Variants in SHISA4 observed in about 807,000 individuals in gnomAD.
SHISA4 encodes protein shisa-4.
SHISA4 carries 16 observed loss-of-function variants against 24.2 expected under a neutral mutation model. That is an observed-to-expected ratio of 0.66 (90% confidence interval 0.45 to 1.00). The LOEUF (loss-of-function observed/expected upper bound fraction) is 1.00. SHISA4 is among the 50% of genes least tolerant of loss of function. The pLI, the probability that SHISA4 is intolerant of heterozygous loss-of-function variation, is 0.00. For missense variants in SHISA4, 238 were observed against 258.9 expected (o/e 0.92, Z 0.55); for synonymous variants, 106 against 105.4 (o/e 1.01, Z -0.04).
At chr1:201,889,359 T>A in intron 1 of SHISA4, 86 bp from the exon 2 acceptor site, 2 of 1,565,720 alleles carry the variant, frequency 1.3e-6, no homozygotes, top group Non-Finnish European at 1.7e-6. Flanking sequence ...GCCGTCAGGC[T>A]GGGGACCGCC....
Position 201,891,857 on chromosome 1 carries a change from A to G in SHISA4, c.*11A>G. 2 of 1,613,876 alleles carry G rather than the reference A, an allele frequency of 1.2e-6. No individual in the cohort carries two copies. The highest frequency in any genetic ancestry group is 1.7e-6 in the Non-Finnish European group (2 of 1,179,854). ...TACCCGGGAGCCTGAGGAACCAGCC[A>G]TGTCTCTGCTGCCCCTTCAGTGATG... On this transcript the variant is annotated 3_prime_UTR_variant, in exon 5 of 5. Transcript: ENST00000362011.
At chr1:201,889,148 G>T (rs1681043052) in intron 1 of SHISA4, 81 bp downstream of exon 1, 27 of 1,303,180 alleles carry the variant, frequency 2.1e-5, no homozygotes, top group Non-Finnish European at 2.8e-5. Context: ...GCTTGGGCTC[G>T]GGGCTTCTCC....
intron 3 of SHISA4, 82 bp from the exon 4 acceptor site, chr1:201,891,319 C>T (rs549087466): frequency 1.9e-6 from 3 of 1,554,184 alleles, no homozygotes; most frequent in Non-Finnish European, 1.8e-6. Flanking sequence ...CACCAGGGTG[C>T]TTACCTTGGT....
Position 201,891,813 on chromosome 1 carries a change from T to C in SHISA4, c.561T>C (p.Tyr187=), listed in dbSNP as rs1387193015. The change falls in exon 5 of 5, where the codon TAT becomes TAC. Residue 187 remains tyrosine, a synonymous_variant. Coordinates refer to ENST00000362011, the MANE Select transcript of SHISA4 (RefSeq NM_198149.3). The part of the protein sequence containing the change: ...PVYNPAAPPP[Y]MPPQPSYPGA ...TTTGGCTTTCAGCTCCTCCTCCCTA[T>C]ATGCCACCACAGCCCTCTTACCCGG... 6.2e-7 allele frequency: 1 copy of C among 1,614,000 alleles called. No individual in the cohort carries two copies. The highest frequency in any genetic ancestry group is 8.5e-7 in the Non-Finnish European group (1 of 1,179,958).
At chr1:201,891,352 T>C (rs1217762262) in intron 3 of SHISA4, 49 bp from the exon 4 acceptor site, 1 of 1,610,554 alleles carries the variant, frequency 6.2e-7, no homozygotes, top group Admixed American at 1.7e-5. Context: ...AGGAGGAGGC[T>C]TCCCATAGGA....
At chr1:201,890,386 G>A (rs1050713377) in intron 2 of SHISA4, 68 bp from the exon 3 acceptor site, 1 of 1,576,168 alleles carries the variant, frequency 6.3e-7, no homozygotes, top group Admixed American at 1.8e-5. Flanking sequence ...CCAGGAGTTG[G>A]AGCCAGCATA....
chr1:201,890,407 C>T (rs756799989), intron 2 of SHISA4, 47 bp from the exon 3 acceptor site: 108 of 1,602,300 alleles, frequency 6.7e-5, no homozygotes, highest in Middle Eastern at 3.3e-4. Context: ...ATGAGGACTC[C>T]GTCCTATGAG....
chr1:201,889,364 A>G, intron 1 of SHISA4, 81 bp from the exon 2 acceptor site: 1 of 1,570,340 alleles, frequency 6.4e-7, no homozygotes, highest in South Asian at 1.1e-5. Flanking sequence ...CAGGCTGGGG[A>G]CCGCCGGGGG....
chr1:201,891,503 C>CA lies in SHISA4; in HGVS notation c.483dup (p.Pro162ThrfsTer2), dbSNP rs759599798. On this transcript the variant is annotated frameshift_variant, in exon 4 of 5. Transcript: ENST00000362011. LOFTEE classifies it high-confidence loss of function. ...CCCCCACAGCCTGGCTTCATATACC[C>CA]ACCTAGTGGTCCTGCTCCCCAATAT... The CA allele has an allele frequency of 7.4e-6, 12 of 1,613,712 alleles. No individual in the cohort carries two copies. In the African/African-American group the frequency reaches 1.5e-4, roughly 20 times the overall value.
intron 4 of SHISA4, 86 bp from the exon 5 acceptor site, chr1:201,891,714 G>A: frequency 6.4e-7 from 1 of 1,564,504 alleles, no homozygotes; most frequent in Non-Finnish European, 8.8e-7. Context: ...TCTTCCCTAT[G>A]GGTCCTGTCT....
chr1:201,891,606 C>A (rs1400617511), intron 4 of SHISA4, 38 bp downstream of exon 4: 2 of 1,585,464 alleles, frequency 1.3e-6, no homozygotes, highest in South Asian at 2.3e-5. Context: ...TGCTGCCTTC[C>A]CCCACCCCTT....
chr1:201,891,634 G>A, intron 4 of SHISA4, 66 bp downstream of exon 4: 3 of 1,553,024 alleles, frequency 1.9e-6, no homozygotes, highest in East Asian at 4.5e-5. Flanking sequence ...GACCTCCCCT[G>A]TGCCTCTCTC....
At position 201,891,476 on chromosome 1, in the gene SHISA4, C is replaced by A. The variant is rs143779561; in HGVS notation, c.455C>A (p.Ala152Glu). 617 of 1,613,834 alleles carry A rather than the reference C, an allele frequency of 3.8e-4. No homozygotes were observed. The highest frequency in any genetic ancestry group is 4.8e-4 in the Non-Finnish European group (566 of 1,179,868). Residue 152 changes from alanine to glutamate, a missense_variant, in exon 4 of 5, where the codon GCA becomes GAA. Transcript: ENST00000362011. The part of the protein sequence containing the change: ...PYPQDPKAGP[A>E]PPQPGFIYPP... ...CCCCAGGACCCCAAAGCTGGCCCTG[C>A]ACCCCCACAGCCTGGCTTCATATAC... is the stretch of plus-strand genomic sequence containing the variant.
At position 201,889,543 on chromosome 1, in the gene SHISA4, T is replaced by C. The variant is rs770285392; in HGVS notation, c.172T>C (p.Tyr58His). The C allele has an allele frequency of 1.2e-6, 2 of 1,613,976 alleles. No individual in the cohort carries two copies. The highest frequency in any genetic ancestry group is 2.7e-5 in the African/African-American group (2 of 74,914). ...EFFTFCCGTC[Y>H]HRYCCRDLTL... Reference sequence around the variant, plus strand: ...CTTCACCTTCTGCTGCGGGACCTGCTACCATCGGTACTGCTGCAGGGACCT... The same window carrying C: ...CTTCACCTTCTGCTGCGGGACCTGCCACCATCGGTACTGCTGCAGGGACCT... Residue 58 changes from tyrosine (Y) to histidine (H), a missense_variant, in exon 2 of 5, where the codon TAC (tyrosine) becomes CAC (histidine). Coordinates refer to ENST00000362011, the MANE Select transcript of SHISA4 (RefSeq NM_198149.3).
intron 1 of SHISA4, 92 bp downstream of exon 1, chr1:201,889,159 G>A: frequency 2.4e-6 from 3 of 1,230,020 alleles, no homozygotes; most frequent in Non-Finnish European, 2.2e-6. Context: ...GGGCTTCTCC[G>A]AGACCCTCCG....
chr1:201,890,373 T>C, intron 2 of SHISA4, 81 bp from the exon 3 acceptor site: 2 of 1,554,150 alleles, frequency 1.3e-6, no homozygotes, highest in Non-Finnish European at 1.7e-6. Context: ...GCCCCCCTGC[T>C]GGCCAGGAGT....
chr1:201,888,721 G>A (rs1465061231), upstream of SHISA4: 8 of 342,056 alleles, frequency 2.3e-5, no homozygotes, highest in Non-Finnish European at 3.7e-5. Context: ...CCGCGGAGCC[G>A]GGGACAGGGG....
rs756725699 is a variant in SHISA4 at position 201,890,531 on chromosome 1, T to A, written c.323T>A (p.Leu108His). 29 of 1,614,132 alleles carry A rather than the reference T, an allele frequency of 1.8e-5. No homozygotes were observed. Among genetic ancestry groups the A allele is most frequent in the Admixed American group, 5.0e-5 (3 of 59,996 alleles). The change falls in exon 3 of 5, where the codon CTC becomes CAC. Residue 108 changes from leucine to histidine, a missense_variant. Physicochemically the swap from Leu to His is moderately conservative, Grantham distance 99 (BLOSUM62 -3). Coordinates refer to ENST00000362011, the MANE Select transcript of SHISA4 (RefSeq NM_198149.3). ...GTTGCCACCACCATCTGCTGCTTCC[T>A]CTGTTCCTGTTGCTACCTGTACCGC... is the stretch of plus-strand genomic sequence containing the variant. ...AVVATTICCF[L>H]CSCCYLYRRR... is the part of the protein sequence containing the mutation.
chr1:201,890,789 T>G (rs188151864), intron 3 of SHISA4, among the ~76,000 whole-genome samples: 45 of 152,378 alleles, frequency 3.0e-4, no homozygotes, highest in Non-Finnish European at 7.3e-5. Flanking sequence ...CATCAGACTT[T>G]GTGTGCATTT....
Sources: gnomAD v4.1 joint callset for allele counts (sites outside exome capture counted in the v4.1 genomes callset) on GRCh38, gnomAD v4.1.1 for gene constraint, MANE v1.5 for transcripts, NCBI Gene and HGNC (gene_info 2026-07-23, HGNC 2026-07-21) for gene names.